FBXL17: variants seen among roughly 807,000 people sequenced by gnomAD.
FBXL17 encodes F-box and leucine rich repeat protein 17, also known as F-box/LRR-repeat protein 17.
Under a neutral mutation model 66.2 loss-of-function variants are expected in FBXL17, and 22 were observed. That is an observed-to-expected ratio of 0.33 (90% CI 0.24 to 0.47). The LOEUF (loss-of-function observed/expected upper bound fraction) is 0.47, where lower values mean the gene tolerates loss of function less well. FBXL17 is among the 20% of genes least tolerant of loss of function. FBXL17 has a pLI of 1.00. For missense variants in FBXL17, 878 were observed against 948.2 expected (o/e 0.93, Z 0.97); for synonymous variants, 474 against 400.5 (o/e 1.18, Z -2.19).
intron 6 of FBXL17, among the ~76,000 whole-genome samples, chr5:108,043,564 T>C (rs1747131776): frequency 6.6e-6 from 1 of 152,204 alleles, no homozygotes; most frequent in African/African-American, 2.4e-5. Context: ...CTGAGTTTCC[T>C]GTTCTGTTCC....
intron 6 of FBXL17, among the ~76,000 whole-genome samples, chr5:108,042,694 T>G (rs2112806537): frequency 6.6e-6 from 1 of 152,356 alleles, no homozygotes; most frequent in African/African-American, 2.4e-5. Context: ...GTTTTGGCTA[T>G]TTTGAATAAA....
chr5:108,107,047 T>G (rs1044997617), intron 6 of FBXL17, among the ~76,000 whole-genome samples: 8 of 152,050 alleles, frequency 5.3e-5, no homozygotes, highest in African/African-American at 1.9e-4. Flanking sequence ...TATGTAAAAT[T>G]TCCTCCTTAA....
intron 4 of FBXL17, among the ~76,000 whole-genome samples, chr5:108,261,929 T>C (rs1756837973): frequency 6.6e-6 from 1 of 151,818 alleles, no homozygotes; most frequent in Non-Finnish European, 1.5e-5. Flanking sequence ...AGACCAAACA[T>C]ATTAATAAAT....
intron 7 of FBXL17, among the ~76,000 whole-genome samples, chr5:108,015,406 A>G (rs1561368674): frequency 1.3e-5 from 2 of 152,204 alleles, no homozygotes; most frequent in Non-Finnish European, 2.9e-5. Flanking sequence ...TACAACTATT[A>G]GAGTTATTCC....
chr5:108,164,035 A>G (rs1180193881), intron 6 of FBXL17, among the ~76,000 whole-genome samples: 1 of 152,232 alleles, frequency 6.6e-6, no homozygotes, highest in Non-Finnish European at 1.5e-5. Flanking sequence ...AGCACCTGAA[A>G]ATAAGATTGT....
At chr5:108,322,656 T>A (rs553704986) in intron 4 of FBXL17, among the ~76,000 whole-genome samples, 149 of 152,030 alleles carry the variant, frequency 9.8e-4, no homozygotes, top group Non-Finnish European at 1.6e-3. Flanking sequence ...CAAATAATAA[T>A]AAATATTGAC....
At chr5:108,180,672 G>A (rs1452437080) in intron 6 of FBXL17, among the ~76,000 whole-genome samples, 3 of 152,062 alleles carry the variant, frequency 2.0e-5, no homozygotes, top group African/African-American at 7.2e-5. Context: ...TGATGCAATA[G>A]CTTCCCTTAC....
chr5:108,230,935 T>C (rs987645626), intron 4 of FBXL17, among the ~76,000 whole-genome samples: 1 of 130,030 alleles, frequency 7.7e-6, no homozygotes, highest in Non-Finnish European at 1.7e-5. Context: ...CTCCAATAAG[T>C]TATGGAAATT....
intron 6 of FBXL17, 57 bp from the exon 7 acceptor site, chr5:108,021,058 T>G: frequency 1.6e-6 from 2 of 1,240,020 alleles, no homozygotes; most frequent in Non-Finnish European, 1.2e-6. Context: ...TAGCAGGGGT[T>G]TGAATATAAT....
chr5:108,170,025 T>G (rs1752547722), intron 6 of FBXL17, among the ~76,000 whole-genome samples: 1 of 152,200 alleles, frequency 6.6e-6, no homozygotes, highest in African/African-American at 2.4e-5. Context: ...AAATGTAACT[T>G]ACTCTCTCCC....
At chr5:107,938,567 T>C (rs1750986570) in intron 7 of FBXL17, among the ~76,000 whole-genome samples, 1 of 152,158 alleles carries the variant, frequency 6.6e-6, no homozygotes, top group Admixed American at 6.6e-5. Context: ...CCTAAATGAT[T>C]TTTATCTTTA....
intron 7 of FBXL17, among the ~76,000 whole-genome samples, chr5:108,013,397 A>T (rs1451545842): frequency 6.6e-6 from 1 of 152,182 alleles, no homozygotes; most frequent in Non-Finnish European, 1.5e-5. Flanking sequence ...TCTTCAGAAT[A>T]ACCAACGCAT....
At chr5:108,050,295 A>C (rs1286801306) in intron 6 of FBXL17, among the ~76,000 whole-genome samples, 1 of 152,240 alleles carries the variant, frequency 6.6e-6, no homozygotes, top group Non-Finnish European at 1.5e-5. Context: ...CTTATTCTAA[A>C]ATCGACCACA....
chr5:107,874,626 T>C (rs1284371433), intron 8 of FBXL17, among the ~76,000 whole-genome samples: 1 of 152,202 alleles, frequency 6.6e-6, no homozygotes, highest in Non-Finnish European at 1.5e-5. Flanking sequence ...TTTTATAAAG[T>C]TCCACATCAG....
chr5:107,931,655 T>C (rs1750741423), intron 7 of FBXL17, among the ~76,000 whole-genome samples: 1 of 152,106 alleles, frequency 6.6e-6, no homozygotes, highest in African/African-American at 2.4e-5. Flanking sequence ...TTCTGACATA[T>C]CTAGTTCAAA....
At chr5:107,932,562 A>G (rs545285999) in intron 7 of FBXL17, among the ~76,000 whole-genome samples, 3 of 152,314 alleles carry the variant, frequency 2.0e-5, no homozygotes, top group African/African-American at 7.2e-5. Flanking sequence ...CAGATATAAT[A>G]AAACAAATGT....
chr5:108,067,287 T>C (rs1748152207), intron 6 of FBXL17, among the ~76,000 whole-genome samples: 1 of 152,202 alleles, frequency 6.6e-6, no homozygotes. Flanking sequence ...TTGTTGTTGT[T>C]GTTATATGTA....
chr5:108,224,937 T>G (rs1755037171), intron 4 of FBXL17, among the ~76,000 whole-genome samples: 1 of 152,014 alleles, frequency 6.6e-6, no homozygotes, highest in South Asian at 2.1e-4. Context: ...CAATATATAT[T>G]TTTTTATTGA....
chr5:107,925,997 A>G (rs1750512853), intron 7 of FBXL17, among the ~76,000 whole-genome samples: 1 of 152,166 alleles, frequency 6.6e-6, no homozygotes, highest in South Asian at 2.1e-4. Flanking sequence ...CAAAGCATCT[A>G]ACATCGACTG....
Sources: allele counts gnomAD v4.1 joint callset (sites outside exome capture counted in the v4.1 genomes callset), GRCh38; gene constraint gnomAD v4.1.1; transcripts MANE v1.5; gene names NCBI Gene and HGNC (gene_info 2026-07-23, HGNC 2026-07-21).